Variants in METTL15 observed in about 807,000 individuals in gnomAD.
METTL15 encodes the protein methyltransferase 15, mitochondrial 12S rRNA N4-cytidine, also known as 12S rRNA N(4)-cytidine methyltransferase METTL15.
METTL15 carries 34 observed loss-of-function variants against 38.3 expected under a neutral mutation model. The observed-to-expected ratio is 0.89, with a 90% confidence interval of 0.68 to 1.18. METTL15 has a LOEUF of 1.18. METTL15 is among the 50% of genes most tolerant of loss of function. The pLI is 0.00. For synonymous variants in METTL15, 162 were observed against 170.9 expected (o/e 0.95, Z 0.41); for missense variants, 438 against 498.4 (o/e 0.88, Z 1.15).
chr11:28,368,114 G>C (rs1850204734), intron 5 of METTL15, among the ~76,000 whole-genome samples: 1 of 95,100 alleles, frequency 1.1e-5, no homozygotes. Context: ...TTAAACTAAA[G>C]AGCTTCTGCA....
chr11:28,510,780 A>G (rs1202819877), intron 6 of METTL15, among the ~76,000 whole-genome samples: 1 of 152,210 alleles, frequency 6.6e-6, no homozygotes, highest in Non-Finnish European at 1.5e-5. Context: ...TACTCTAAAC[A>G]TACCATACTA....
chr11:28,180,603 C>A (rs556544706), intron 3 of METTL15, among the ~76,000 whole-genome samples: 1 of 151,852 alleles, frequency 6.6e-6, no homozygotes, highest in South Asian at 2.1e-4. Context: ...GCAACCTTTT[C>A]TTTGTACTTC....
intron 3 of METTL15, among the ~76,000 whole-genome samples, chr11:28,151,589 T>C (rs568610546): frequency 6.6e-6 from 1 of 152,104 alleles, no homozygotes; most frequent in African/African-American, 2.4e-5. Context: ...CATTCTTTCT[T>C]CCATGATGAC....
intron 6 of METTL15, among the ~76,000 whole-genome samples, chr11:28,425,443 A>G (rs545351563): frequency 2.6e-5 from 4 of 152,084 alleles, no homozygotes; most frequent in Non-Finnish European, 4.4e-5. Flanking sequence ...ACATCGTTTT[A>G]TATACTCTAA....
intron 3 of METTL15, among the ~76,000 whole-genome samples, chr11:28,133,130 G>A (rs2133637950): frequency 6.6e-6 from 1 of 152,224 alleles, no homozygotes; most frequent in South Asian, 2.1e-4. Context: ...AAGACGAAAA[G>A]TAAGATCTTA....
intron 6 of METTL15, among the ~76,000 whole-genome samples, chr11:28,483,725 A>G (rs1020398132): frequency 6.6e-6 from 1 of 152,170 alleles, no homozygotes; most frequent in Non-Finnish European, 1.5e-5. Context: ...AAAAACAGGT[A>G]GTGGGCTGGA....
chr11:28,398,140 A>T (rs182834532), intron 5 of METTL15, among the ~76,000 whole-genome samples: 86 of 152,116 alleles, frequency 5.7e-4, no homozygotes, highest in African/African-American at 2.0e-3. Flanking sequence ...CTAATTGTGC[A>T]TCACACCAAC....
At chr11:28,408,029 C>T (rs1419629336) in intron 5 of METTL15, among the ~76,000 whole-genome samples, 1 of 152,028 alleles carries the variant, frequency 6.6e-6, no homozygotes, top group Non-Finnish European at 1.5e-5. Flanking sequence ...GCTTGGAAGC[C>T]ATTATCTTCA....
chr11:28,481,685 A>T (rs1187355973), intron 6 of METTL15, among the ~76,000 whole-genome samples: 3 of 152,256 alleles, frequency 2.0e-5, no homozygotes, highest in East Asian at 1.9e-4. Flanking sequence ...AAAGCCTGAC[A>T]GTGGAGGGAG....
intron 4 of METTL15, among the ~76,000 whole-genome samples, chr11:28,225,326 T>C (rs1259908175): frequency 6.6e-6 from 1 of 151,932 alleles, no homozygotes; most frequent in African/African-American, 2.4e-5. Context: ...TGTGGGTTCA[T>C]GTCTCAGTCA....
intron 3 of METTL15, among the ~76,000 whole-genome samples, chr11:28,168,699 A>G (rs1850746123): frequency 6.6e-6 from 1 of 151,864 alleles, no homozygotes. Flanking sequence ...CTGTAGTACA[A>G]ATATTACCCA....
At chr11:28,287,104 T>TATATATAACCC in intron 4 of METTL15, 2 of 155,308 alleles carry the variant, frequency 1.3e-5, no homozygotes, top group East Asian at 3.9e-4. Flanking sequence ...CGTCTCACTA[T>TATATATAACCC]ATATATAACC....
chr11:28,477,650 A>G (rs1308701133), intron 6 of METTL15: 4 of 152,254 alleles, frequency 2.6e-5, no homozygotes, highest in Middle Eastern at 3.4e-3. Flanking sequence ...AAAAAAATCT[A>G]TACACTGTCT....
chr11:28,316,645 C>T (rs1465080904), intron 6 of METTL15, among the ~76,000 whole-genome samples: 1 of 152,060 alleles, frequency 6.6e-6, no homozygotes, highest in Non-Finnish European at 1.5e-5. Flanking sequence ...GGCTCTGTGT[C>T]CCCACCCAAA....
chr11:28,401,538 A>T (rs1315258550), intron 5 of METTL15, among the ~76,000 whole-genome samples: 2 of 151,968 alleles, frequency 1.3e-5, no homozygotes, highest in Middle Eastern at 3.4e-3. Flanking sequence ...CATGTATTTA[A>T]CTTTTTTAAT....
intron 6 of METTL15, among the ~76,000 whole-genome samples, chr11:28,436,583 C>T (rs1044744855): frequency 1.3e-5 from 2 of 150,754 alleles, no homozygotes; most frequent in Non-Finnish European, 3.0e-5. Context: ...TTTGGAAATG[C>T]TTGCATGGAA....
At chr11:28,211,007 C>G in intron 3 of METTL15, 55 bp from the exon 4 acceptor site, 2 of 1,529,992 alleles carry the variant, frequency 1.3e-6, no homozygotes, top group Non-Finnish European at 1.8e-6. Flanking sequence ...AGATAGTTGT[C>G]AAGAATAAGT....
intron 5 of METTL15, among the ~76,000 whole-genome samples, chr11:28,295,838 T>A (rs1432056484): frequency 6.6e-6 from 1 of 152,092 alleles, no homozygotes; most frequent in Non-Finnish European, 1.5e-5. Context: ...TACCATACCC[T>A]TGTTACTTAC....
intron 5 of METTL15, among the ~76,000 whole-genome samples, chr11:28,386,439 A>G (rs899522164): frequency 1.3e-5 from 2 of 151,584 alleles, no homozygotes; most frequent in Admixed American, 6.6e-5. Context: ...CTTACATCAG[A>G]AAAAAAATAG....
Sources: allele counts gnomAD v4.1 joint callset (sites outside exome capture counted in the v4.1 genomes callset), GRCh38; gene constraint gnomAD v4.1.1; transcripts MANE v1.5; gene names NCBI Gene and HGNC (gene_info 2026-07-23, HGNC 2026-07-21).